Variants in RCBTB2 observed in about 807,000 individuals in gnomAD.
RCBTB2 encodes the protein RCC1 and BTB domain containing protein 2, also known as RCC1 and BTB domain-containing protein 2.
In RCBTB2, 55 loss-of-function variants were observed where a neutral mutation model predicts 65.4. The ratio of observed to expected loss-of-function variants is 0.84; its 90% CI spans 0.68 to 1.05. The LOEUF is 1.05. Ranked by LOEUF, RCBTB2 falls within the 50% of genes least tolerant of loss-of-function variation. The pLI is 0.00. For synonymous variants in RCBTB2, 220 were observed against 255.2 expected, an observed-to-expected ratio of 0.86 and a Z score of 1.31; for missense variants, 599 against 680.1, an observed-to-expected ratio of 0.88 and a Z score of 1.33.
At chr13:48,535,476 G>C (rs968809687), upstream of RCBTB2, among the ~76,000 whole-genome samples, 8 of 152,130 alleles carry the variant, frequency 5.3e-5, no homozygotes, top group African/African-American at 1.9e-4. Flanking sequence ...GAATGGTCTA[G>C]AGCTCCTGAC....
intron 1 of RCBTB2, among the ~76,000 whole-genome samples, chr13:48,526,429 G>A (rs545035633): frequency 1.1e-4 from 17 of 152,226 alleles, no homozygotes; most frequent in African/African-American, 3.9e-4. Context: ...CCAGCTACTT[G>A]GGAGGCTAAG....
chr13:48,532,890 G>A, intron 1 of RCBTB2, 138 bp downstream of exon 1: 6 of 434,336 alleles, frequency 1.4e-5, no homozygotes, highest in Middle Eastern at 3.5e-4. Flanking sequence ...TAGTCCCCTG[G>A]GCCCCTCAGC....
chr13:48,533,966 C>T (rs1415929382), upstream of RCBTB2, among the ~76,000 whole-genome samples: 1 of 152,154 alleles, frequency 6.6e-6, no homozygotes, highest in Non-Finnish European at 1.5e-5. Flanking sequence ...ACTAACATTC[C>T]AAACCACAGT....
At chr13:48,527,320 C>CATATATATATATATATATCATATAT in intron 1 of RCBTB2, among the ~76,000 whole-genome samples, 1 of 77,864 alleles carries the variant, frequency 1.3e-5, no homozygotes, top group African/African-American at 5.7e-5. Flanking sequence ...TGACTTGGCT[C>CATATATATATATATATATCATATAT]ATATATATAT....
rs1951037397 is a variant in RCBTB2 at position 48,515,567 on chromosome 13, T to G, written c.198+19A>C. The G allele has an allele frequency of 6.3e-7, 1 of 1,578,112 alleles. No homozygotes were observed. On this transcript the variant is annotated intron_variant, in intron 5 of 14. Transcript: ENST00000344532. ...ATTTCTAAAAATGTGAGTAGCTGAT[T>G]TATTTTCTTCAAAATTACCTCATCA...
intron 10 of RCBTB2, 117 bp from the exon 11 acceptor site, chr13:48,503,031 A>G (rs1950316774): frequency 8.5e-7 from 1 of 1,176,012 alleles, no homozygotes; most frequent in Non-Finnish European, 1.2e-6. Flanking sequence ...AAGGGTCAGG[A>G]AAAGGAAAAA....
intron 14 of RCBTB2, among the ~76,000 whole-genome samples, chr13:48,491,472 A>G (rs1162716282): frequency 6.6e-6 from 1 of 152,242 alleles, no homozygotes; most frequent in Non-Finnish European, 1.5e-5. Flanking sequence ...ACAGCATACT[A>G]TACATAAAAA....
intron 14 of RCBTB2, among the ~76,000 whole-genome samples, chr13:48,492,931 T>C (rs1949761943): frequency 6.6e-6 from 1 of 152,186 alleles, no homozygotes; most frequent in Non-Finnish European, 1.5e-5. Flanking sequence ...GGATGTCTAA[T>C]AGACATCACA....
chr13:48,531,761 TAA>T (rs1254150922), intron 1 of RCBTB2, among the ~76,000 whole-genome samples: 1 of 152,252 alleles, frequency 6.6e-6, no homozygotes, highest in Non-Finnish European at 1.5e-5. Context: ...TCTCTGAGCC[TAA>T]GTGGCTCTTC....
chr13:48,490,384 T>C (rs1949646303), intron 14 of RCBTB2, 133 bp from the exon 15 acceptor site: 1 of 679,336 alleles, frequency 1.5e-6, no homozygotes, highest in African/African-American at 1.8e-5. Flanking sequence ...GATGGCATGG[T>C]AATACCTAAA....
In RCBTB2 at chr13:48,502,726, A is replaced by T. The variant is rs1366834738; in HGVS notation, c.1115T>A (p.Val372Glu). The change falls in exon 11 of 15, where the codon GTG (valine) becomes GAG (glutamate). Residue 372 changes from valine to glutamate, a missense_variant and splice_region_variant. By Grantham distance (121) the Val-to-Glu change is moderately radical. Transcript: ENST00000344532. ...TPAVTWRLLSVEPDDHLTVAE... is the reference protein window; with the variant it reads ...TPAVTWRLLSEEPDDHLTVAE... The stretch of plus-strand genomic sequence containing the variant: ...CAAATGGACAGTGACCAGCTTACCC[A>T]CGGAGAGGAGGCGCCACGTGACGGC... 6.2e-7 allele frequency: 1 copy of T among 1,609,722 alleles called. No homozygotes were observed. Among genetic ancestry groups the T allele is most frequent in the East Asian group, 2.2e-5 (1 of 44,674 alleles).
chr13:48,491,304 CT>C (rs1949689394), intron 14 of RCBTB2, among the ~76,000 whole-genome samples: 1 of 135,420 alleles, frequency 7.4e-6, no homozygotes, highest in African/African-American at 3.4e-5. Flanking sequence ...GGTACATTTT[CT>C]TTTAAGAAAA....
chr13:48,510,639 C>G lies in RCBTB2; in HGVS notation c.916G>C (p.Glu306Gln). ...AAATGCCCGTGTTACCTGTCCTTTT[C>G]CACAGTGACAGGAGTAGGATAGGAC... Reference protein sequence around the residue: ...NQSYPTPVTVEKDRIIEIAAC... With the variant: ...NQSYPTPVTVQKDRIIEIAAC... Residue 306 changes from glutamate (E) to glutamine (Q), a missense_variant, in exon 10 of 15, where the codon GAA becomes CAA. By Grantham distance (29) the Glu-to-Gln change is conservative (BLOSUM62 2). Transcript: ENST00000344532. The G allele has an allele frequency of 1.2e-6, 2 of 1,614,094 alleles. No individual in the cohort carries two copies. The highest frequency in any genetic ancestry group is 1.7e-6 in the Non-Finnish European group (2 of 1,179,974).
chr13:48,494,372 T>C lies in RCBTB2; in HGVS notation c.1515+1819A>G, dbSNP rs568482475. Among the ~76,000 whole-genome samples the C allele has an allele frequency of 2.0e-5, 3 of 152,344 alleles. No homozygotes were observed. The South Asian group carries it at 6.2e-4, about 32-fold the overall frequency. ...GTACATATACAGTCTATTTTACTTA[T>C]AGTCTATTATACTAATTTAGGGTAC... On this transcript the variant is annotated intron_variant, in intron 14 of 14. Coordinates refer to ENST00000344532, the MANE Select transcript of RCBTB2 (RefSeq NM_001268.4).
At chr13:48,512,690 T>C (rs368376267) in intron 7 of RCBTB2, 39 bp downstream of exon 7, 17 of 1,563,988 alleles carry the variant, frequency 1.1e-5, no homozygotes, top group East Asian at 4.5e-5. Flanking sequence ...CATAATCTTA[T>C]TGAAAAAAAT....
chr13:48,515,526 T>G, intron 5 of RCBTB2, 60 bp downstream of exon 5: 1 of 1,483,710 alleles, frequency 6.7e-7, no homozygotes, highest in Non-Finnish European at 9.1e-7. Context: ...CCCAAGATCT[T>G]CAATTTGGCA....
At chr13:48,518,548 A>G (rs1233322437) in intron 4 of RCBTB2, among the ~76,000 whole-genome samples, 2 of 149,354 alleles carry the variant, frequency 1.3e-5, no homozygotes, top group African/African-American at 2.5e-5. Flanking sequence ...GGACAACCTT[A>G]ATTTGGAATT....
intron 14 of RCBTB2, among the ~76,000 whole-genome samples, chr13:48,493,342 T>TCTCTCTC (rs1414517284): frequency 4.0e-4 from 9 of 22,270 alleles, no homozygotes; most frequent in Non-Finnish European, 1.3e-3. Context: ...CTCTCTCTCT[T>TCTCTCTC]CTCTTCTCTC....
At chr13:48,528,822 G>A (rs1308753381) in intron 1 of RCBTB2, among the ~76,000 whole-genome samples, 1 of 152,072 alleles carries the variant, frequency 6.6e-6, no homozygotes, top group African/African-American at 2.4e-5. Context: ...TAATTAAAAT[G>A]GAACAATTAT....
Sources: allele counts gnomAD v4.1 joint callset (sites outside exome capture counted in the v4.1 genomes callset), GRCh38; gene constraint gnomAD v4.1.1; transcripts MANE v1.5; gene names NCBI Gene and HGNC (gene_info 2026-07-23, HGNC 2026-07-21).